Variants in CRYBG1 observed in about 807,000 individuals in gnomAD.
CRYBG1 encodes the protein crystallin beta-gamma domain containing 1.
CRYBG1 carries 139 observed loss-of-function variants against 189.2 expected under a neutral mutation model. The observed-to-expected ratio is 0.73, with a 90% CI of 0.64 to 0.85. CRYBG1 has a LOEUF of 0.85. CRYBG1 is among the 40% of genes least tolerant of loss of function. The probability of loss-of-function intolerance (pLI) is 0.00; values close to 1 mark genes in which losing one functional copy is unlikely to be tolerated. For missense variants in CRYBG1, 2,611 were observed against 2,675.8 expected (o/e 0.98, Z 0.53); for synonymous variants, 1,023 against 1,017.1 (o/e 1.01, Z -0.11).
At chr6:106,502,197 C>G (rs1773026969) in intron 2 of CRYBG1, among the ~76,000 whole-genome samples, 1 of 152,180 alleles carries the variant, frequency 6.6e-6, no homozygotes, top group Admixed American at 6.5e-5. Context: ...AAGTTTAGTC[C>G]TTGGTTCTTT....
chr6:106,389,242 C>A (rs761962539), intron 1 of CRYBG1, among the ~76,000 whole-genome samples: 5 of 151,854 alleles, frequency 3.3e-5, no homozygotes, highest in Non-Finnish European at 5.9e-5. Flanking sequence ...ATTTATTGGC[C>A]ACTTACTTGT....
At chr6:106,390,810 A>G (rs1770484962) in intron 1 of CRYBG1, among the ~76,000 whole-genome samples, 1 of 152,124 alleles carries the variant, frequency 6.6e-6, no homozygotes, top group Admixed American at 6.5e-5. Context: ...TATACATGCT[A>G]TTACCATTGG....
intron 8 of CRYBG1, among the ~76,000 whole-genome samples, chr6:106,532,066 G>A (rs1582822089): frequency 1.3e-5 from 2 of 152,034 alleles, no homozygotes; most frequent in South Asian, 4.1e-4. Flanking sequence ...TATTTATGGG[G>A]TACAATGTGA....
chr6:106,512,367 G>C lies in CRYBG1; in HGVS notation c.1250G>C (p.Arg417Thr), dbSNP rs1022743186. Residue 417 changes from arginine (R) to threonine (T), a missense_variant, in exon 3 of 22, where the codon AGG becomes ACG. Arg to Thr is a moderately conservative substitution (Grantham distance 71). Coordinates refer to ENST00000633556, the MANE Select transcript of CRYBG1 (RefSeq NM_001371242.2). ...ATGGAGAAGAGGTCCAGCGGCCGTA[G>C]GTCGGGGAGGCGGAGGGGGTCGCAG... ...DDMEKRSSGR[R>T]SGRRRGSQKS... The C allele has an allele frequency of 6.8e-6, 11 of 1,611,490 alleles. No individual in the cohort carries two copies. In the African/African-American group the frequency reaches 1.5e-4, roughly 22 times the overall value.
intron 2 of CRYBG1, among the ~76,000 whole-genome samples, chr6:106,480,624 A>ATG (rs1288116823): frequency 8.5e-4 from 122 of 143,368 alleles, no homozygotes; most frequent in Middle Eastern, 9.0e-3. Flanking sequence ...CTGAGATCGC[A>ATG]CCACTGCACT....
intron 2 of CRYBG1, among the ~76,000 whole-genome samples, chr6:106,480,066 C>T (rs1772411043): frequency 6.6e-6 from 1 of 151,996 alleles, no homozygotes; most frequent in South Asian, 2.1e-4. Flanking sequence ...GTCTCTGATC[C>T]ATTTTGAGTT....
At chr6:106,361,838 A>C (rs559218283) in intron 1 of CRYBG1, among the ~76,000 whole-genome samples, 1 of 152,264 alleles carries the variant, frequency 6.6e-6, no homozygotes, top group African/African-American at 2.4e-5. Context: ...TGAAATATTT[A>C]TAGTGATGGA....
rs997002573 is a variant in CRYBG1, at chr6:106,525,140, G to A, written c.4253G>A (p.Arg1418Lys). Reference protein sequence around the residue: ...GMSLSDTMTLRGSVQNKLNPR... With the variant: ...GMSLSDTMTLKGSVQNKLNPR... ...TTGTTCATCTGATTGCAGACACTTA[G>A]AGGAAGTGTCCAAAATAAACTCAAT... The change falls in exon 5 of 22, where the codon AGA becomes AAA. Residue 1418 changes from arginine to lysine, a missense_variant. Physicochemically the swap from Arg to Lys is conservative, Grantham distance 26 (BLOSUM62 2). Around this residue, in one of 3 missense-constraint regions of CRYBG1, gnomAD observed 1,622 missense variants for 1,735.0 expected, o/e 0.93. Transcript: ENST00000633556. 2.5e-6 allele frequency: 4 copies of A among 1,613,948 alleles called. No individual in the cohort carries two copies. The highest frequency in any genetic ancestry group is 2.5e-6 in the Non-Finnish European group (3 of 1,179,832).
At chr6:106,411,287 A>T (rs973335598) in intron 1 of CRYBG1, among the ~76,000 whole-genome samples, 8 of 152,126 alleles carry the variant, frequency 5.3e-5, no homozygotes, top group African/African-American at 1.7e-4. Flanking sequence ...CCTACTTTTG[A>T]TTGGGAAAAC....
chr6:106,429,004 A>T (rs1304035972), intron 1 of CRYBG1, among the ~76,000 whole-genome samples: 1 of 152,230 alleles, frequency 6.6e-6, no homozygotes, highest in African/African-American at 2.4e-5. Flanking sequence ...GCTGCTGTTC[A>T]CTTGGTATTA....
At chr6:106,480,968 CTTTTTTTT>C (rs1246958312) in intron 2 of CRYBG1, among the ~76,000 whole-genome samples, 3 of 14,130 alleles carry the variant, frequency 2.1e-4, no homozygotes, top group East Asian at 0.011. Flanking sequence ...GAGACTCTGT[CTTTTTTTT>C]TTTTTTTTTT....
intron 1 of CRYBG1, among the ~76,000 whole-genome samples, chr6:106,379,292 C>T (rs185287957): frequency 1.3e-5 from 2 of 150,824 alleles, no homozygotes; most frequent in Non-Finnish European, 2.9e-5. Context: ...GACAGAGTCT[C>T]TCTCTGTTGC....
chr6:106,408,116 T>G (rs992585060), intron 1 of CRYBG1, among the ~76,000 whole-genome samples: 3 of 152,062 alleles, frequency 2.0e-5, no homozygotes, highest in African/African-American at 4.8e-5. Context: ...ACAAAATAGA[T>G]AGACTGCTAG....
chr6:106,512,134 G>A lies in CRYBG1; in HGVS notation c.1017G>A (p.Ala339=), dbSNP rs750828210. The part of the protein sequence containing the change: ...RNARSQPPKG[A]SDLPGEPPAE... ...CCCGCAGCCAGCCCCCCAAGGGCGC[G>A]TCTGATTTGCCAGGTGAGCCTCCGG... The change falls in exon 3 of 22, where the codon GCG becomes GCA. Residue 339 remains alanine, a synonymous_variant. Transcript: ENST00000633556. The A allele has an allele frequency of 2.6e-6, 4 of 1,534,434 alleles. No homozygotes were observed. The highest frequency in any genetic ancestry group is 1.2e-5 in the South Asian group (1 of 83,932).
intron 1 of CRYBG1, among the ~76,000 whole-genome samples, chr6:106,424,310 A>G (rs1771187449): frequency 6.6e-6 from 1 of 152,228 alleles, no homozygotes; most frequent in South Asian, 2.1e-4. Flanking sequence ...AAAAATACAA[A>G]CATTATTAAC....
chr6:106,471,973 G>C (rs922281550), intron 2 of CRYBG1, among the ~76,000 whole-genome samples: 1 of 152,152 alleles, frequency 6.6e-6, no homozygotes, highest in Non-Finnish European at 1.5e-5. Context: ...GAGCTGACCA[G>C]TAAAAACTTC....
In CRYBG1 at chr6:106,361,064, G is replaced by A; in HGVS notation, c.156G>A (p.Ala52=). 3.9e-6 allele frequency: 6 copies of A among 1,535,026 alleles called. No homozygotes were observed. The highest frequency in any genetic ancestry group is 2.4e-5 in the South Asian group (2 of 84,024). The change falls in exon 1 of 22, where the codon GCG becomes GCA. Residue 52 remains alanine, a synonymous_variant. Coordinates refer to ENST00000633556, the MANE Select transcript of CRYBG1 (RefSeq NM_001371242.2). The stretch of plus-strand genomic sequence containing the variant: ...TGTTCGTTCCGCACCCGCTCCCGGC[G>A]CCTGCCGGAGAGGCCAGGTGAGCTC... ...CGVFVPHPLP[A]PAGEARALDV... is the part of the protein sequence containing the mutation.
intron 13 of CRYBG1, among the ~76,000 whole-genome samples, chr6:106,545,954 A>G (rs1774258754): frequency 6.6e-6 from 1 of 152,214 alleles, no homozygotes; most frequent in Admixed American, 6.5e-5. Flanking sequence ...TGCTGGGATT[A>G]CAGGCATGAG....
At chr6:106,368,066 A>T (rs1012149597) in intron 1 of CRYBG1, among the ~76,000 whole-genome samples, 1 of 152,180 alleles carries the variant, frequency 6.6e-6, no homozygotes, top group East Asian at 1.9e-4. Context: ...ATATTGAAAT[A>T]GTTTCTAATT....
Sources: gnomAD v4.1 joint callset for allele counts (sites outside exome capture counted in the v4.1 genomes callset) on GRCh38, gnomAD v4.1.1 for gene constraint, gnomAD v4.1.1 regional missense constraint, MANE v1.5 for transcripts, NCBI Gene and HGNC (gene_info 2026-07-23, HGNC 2026-07-21) for gene names.